Variants in RTL4 observed in about 807,000 individuals in gnomAD.
RTL4 encodes retrotransposon Gag-like protein 4.
Under a neutral mutation model 5.3 loss-of-function variants are expected in RTL4, and 4 were observed. That is an observed-to-expected ratio of 0.75 (90% CI 0.37 to 1.72). The LOEUF is 1.72. Among genes scored for constraint, RTL4 ranks in the 40% most tolerant of loss-of-function variants. The pLI is 0.04. For missense variants in RTL4, 260 were observed against 227.1 expected (o/e 1.14, Z -0.93); for synonymous variants, 98 against 87.3 (o/e 1.12, Z -0.68).
At chrX:112,362,303 A>T in the RTL4 span, among the ~76,000 whole-genome samples, 1 of 111,904 alleles carries the variant, frequency 8.9e-6, no homozygotes, top group African/African-American at 3.2e-5. Flanking sequence ...TGGAGCTTTC[A>T]TGTAGTGGTG....
At chrX:112,341,541 C>A in the RTL4 span, among the ~76,000 whole-genome samples, 3 of 111,714 alleles carry the variant, frequency 2.7e-5, no homozygotes, top group African/African-American at 6.5e-5. Flanking sequence ...ATTAAATTGA[C>A]TGGCTGTATC....
chrX:112,193,419 C>G, the RTL4 span, among the ~76,000 whole-genome samples: 7 of 111,286 alleles, frequency 6.3e-5, no homozygotes, highest in East Asian at 2.0e-3. Flanking sequence ...ATTAACCAAT[C>G]CCTATTTATC....
At chrX:112,111,044 A>T in the RTL4 span, among the ~76,000 whole-genome samples, 2 of 112,084 alleles carry the variant, frequency 1.8e-5, no homozygotes, top group Non-Finnish European at 3.8e-5. Context: ...AAGACCTTCA[A>T]TTATCAATTA....
the RTL4 span, among the ~76,000 whole-genome samples, chrX:112,341,219 G>A: frequency 9.1e-6 from 1 of 109,866 alleles, no homozygotes; most frequent in African/African-American, 3.3e-5. Context: ...AACAAAGTTA[G>A]CGGTAGGAAG....
At chrX:112,237,875 T>C in the RTL4 span, among the ~76,000 whole-genome samples, 1 of 111,875 alleles carries the variant, frequency 8.9e-6, no homozygotes, top group Non-Finnish European at 1.9e-5. Flanking sequence ...CTCAGTGAGG[T>C]TGAGACATGA....
the RTL4 span, among the ~76,000 whole-genome samples, chrX:112,333,122 G>C: frequency 9.1e-6 from 1 of 110,050 alleles, no homozygotes; most frequent in African/African-American, 3.3e-5. Context: ...ATATTCAATG[G>C]TGTGTGCATG....
At chrX:112,280,664 T>C in the RTL4 span, among the ~76,000 whole-genome samples, 2 of 109,558 alleles carry the variant, frequency 1.8e-5, no homozygotes, top group Non-Finnish European at 3.8e-5. Flanking sequence ...AACTTATCTT[T>C]ATATTTTGTA....
the RTL4 span, among the ~76,000 whole-genome samples, chrX:112,386,962 A>G: frequency 8.9e-6 from 1 of 111,812 alleles, no homozygotes; most frequent in South Asian, 3.7e-4. Flanking sequence ...ACTAGTTTAC[A>G]TTCCCACCAG....
the RTL4 span, among the ~76,000 whole-genome samples, chrX:112,440,438 C>T: frequency 3.6e-5 from 4 of 111,185 alleles, no homozygotes; most frequent in Non-Finnish European, 5.7e-5. Flanking sequence ...GACTTGACAG[C>T]CTGACAGACA....
At chrX:112,263,072 GA>G in the RTL4 span, among the ~76,000 whole-genome samples, 2 of 81,267 alleles carry the variant, frequency 2.5e-5, no homozygotes, top group Non-Finnish European at 4.6e-5. Flanking sequence ...GGGGAGGGGG[GA>G]GGGATAGCAT....
chrX:112,255,344 A>G, the RTL4 span, among the ~76,000 whole-genome samples: 1 of 112,006 alleles, frequency 8.9e-6, no homozygotes, highest in South Asian at 3.7e-4. Flanking sequence ...TTCTGGCTGC[A>G]TTGTTATTGG....
the RTL4 span, among the ~76,000 whole-genome samples, chrX:112,350,163 C>T: frequency 9.0e-6 from 1 of 110,900 alleles, no homozygotes; most frequent in Non-Finnish European, 1.9e-5. Context: ...TGCTGGATTA[C>T]GTTTATTGAT....
the RTL4 span, among the ~76,000 whole-genome samples, chrX:112,223,950 A>T: frequency 5.4e-5 from 6 of 110,514 alleles, no homozygotes; most frequent in African/African-American, 2.0e-4. Flanking sequence ...CGATCAACTC[A>T]CTCTTTGGTC....
At chrX:112,337,139 C>T in the RTL4 span, among the ~76,000 whole-genome samples, 1 of 111,820 alleles carries the variant, frequency 8.9e-6, no homozygotes, top group African/African-American at 3.2e-5. Flanking sequence ...CAAAGTATGT[C>T]GCTTTGATTT....
chrX:112,092,133 G>A, the RTL4 span, among the ~76,000 whole-genome samples: 17 of 111,513 alleles, frequency 1.5e-4, no homozygotes, highest in South Asian at 7.4e-4. Flanking sequence ...TTTAGATAGC[G>A]TATAGTTGAA....
chrX:112,261,263 C>T, the RTL4 span, among the ~76,000 whole-genome samples: 3 of 111,399 alleles, frequency 2.7e-5, no homozygotes, highest in African/African-American at 9.8e-5. Context: ...TCCCTGTTTG[C>T]AGAAGACATG....
upstream of RTL4, among the ~76,000 whole-genome samples, chrX:112,453,260 A>AT (rs1034316762): frequency 9.0e-5 from 10 of 111,297 alleles, no homozygotes; most frequent in African/African-American, 3.3e-4. Context: ...ATGATACATC[A>AT]TTTTTTCCCA....
chrX:112,436,684 AT>A, the RTL4 span, among the ~76,000 whole-genome samples: 1 of 108,244 alleles, frequency 9.2e-6, no homozygotes, highest in East Asian at 2.9e-4. Context: ...TTTTTTTTGT[AT>A]CATGGAACTT....
chrX:112,174,762 A>G, the RTL4 span, among the ~76,000 whole-genome samples: 1 of 97,838 alleles, frequency 1.0e-5, no homozygotes, highest in African/African-American at 3.7e-5. Flanking sequence ...TGACTTTTTA[A>G]TGATTGCCAT....
Sources: gnomAD v4.1 joint callset for allele counts (sites outside exome capture counted in the v4.1 genomes callset) on GRCh38, gnomAD v4.1.1 for gene constraint, MANE v1.5 for transcripts, NCBI Gene and HGNC (gene_info 2026-07-23, HGNC 2026-07-21) for gene names.